ADAMTS14: variants seen among roughly 807,000 people sequenced by gnomAD.
ADAMTS14 encodes ADAM metallopeptidase with thrombospondin type 1 motif 14, also known as A disintegrin and metalloproteinase with thrombospondin motifs 14.
A neutral mutation model predicts 128.6 loss-of-function variants in ADAMTS14; 100 were observed. The ratio of observed to expected loss-of-function variants is 0.78; its 90% CI spans 0.66 to 0.92. ADAMTS14 has a LOEUF of 0.92. ADAMTS14 is among the 40% of genes least tolerant of loss of function. The probability of loss-of-function intolerance (pLI) is 0.00; values close to 1 mark genes in which losing one functional copy is unlikely to be tolerated. For synonymous variants in ADAMTS14, 665 were observed against 653.8 expected, an observed-to-expected ratio of 1.02 and a Z score of -0.26; for missense variants, 1,562 against 1,658.6, an observed-to-expected ratio of 0.94 and a Z score of 1.01.
rs2132614227 is a variant in ADAMTS14, at chr10:70,708,818, T to TG, written c.870+44dup. ...GTCCTAGGACTTGGGGGGAGTGGGG[T>TG]GGGGTGGGCCCCACCCCACCCCACT... On this transcript the variant is annotated intron_variant, in intron 4 of 21. Transcript: ENST00000373207. The TG allele has an allele frequency of 3.1e-5, 12 of 383,244 alleles. No homozygotes were observed. The East Asian group carries it at 3.5e-4, about 11-fold the overall frequency. The allele number at this position is 383,244 out of a possible 1,614,324, so 23.7% of individuals were successfully genotyped here.
chr10:70,677,585 G>T (rs1285429786), intron 2 of ADAMTS14, among the ~76,000 whole-genome samples: 1 of 152,096 alleles, frequency 6.6e-6, no homozygotes, highest in Admixed American at 6.5e-5. Flanking sequence ...CCTCCCCTTG[G>T]TGAGGGGCAG....
In ADAMTS14 at chr10:70,687,968, C is replaced by G. The variant is rs1347092400; in HGVS notation, c.522+12973C>G. ...CGGCTGGCCGGGCGGGGGGCTGACCCCCCCCCCGACCTCCCTCCCGGACGG... is the reference window on the plus strand; with the variant it reads ...CGGCTGGCCGGGCGGGGGGCTGACCGCCCCCCCGACCTCCCTCCCGGACGG... On this transcript the variant is annotated intron_variant, in intron 2 of 21. Coordinates refer to ENST00000373207, the MANE Select transcript of ADAMTS14 (RefSeq NM_080722.4). 2.9e-5 allele frequency among the ~76,000 whole-genome samples: 2 copies of G among 68,894 alleles called. 1 individual carries two copies. 45.2% of individuals were successfully genotyped at this position (68,894 alleles called of 152,430 possible). A position where few individuals can be genotyped will look rare whatever the true frequency, so the allele number is the denominator to read the frequency against.
chr10:70,752,313 C>T (rs1842374560), intron 18 of ADAMTS14, 86 bp downstream of exon 18: 1 of 1,550,696 alleles, frequency 6.4e-7, no homozygotes, highest in Non-Finnish European at 8.7e-7. Flanking sequence ...CTGCTCCCCT[C>T]AGCACTGGGT....
chr10:70,736,852 G>T, intron 10 of ADAMTS14, 59 bp downstream of exon 10: 4 of 1,472,576 alleles, frequency 2.7e-6, no homozygotes, highest in Non-Finnish European at 3.8e-6. Flanking sequence ...TCCATCACTG[G>T]CATGGGGGTG....
intron 2 of ADAMTS14, among the ~76,000 whole-genome samples, chr10:70,695,972 T>A (rs1840321698): frequency 6.6e-6 from 1 of 152,134 alleles, no homozygotes; most frequent in South Asian, 2.1e-4. Context: ...CAGGAAGTGG[T>A]GGCTCTAGAA....
chr10:70,736,812 G>T lies in ADAMTS14; in HGVS notation c.1599+19G>T. 1 of 1,609,186 alleles carries T rather than the reference G, an allele frequency of 6.2e-7. No homozygotes were observed. Among genetic ancestry groups the T allele is most frequent in the Non-Finnish European group, 8.5e-7 (1 of 1,176,284 alleles). ...CGGCAAGGTACCTGTGGGGTGTGCA[G>T]CAGGAGTGGCCTTCCTGGGGTGCAG... On this transcript the variant is annotated intron_variant, in intron 10 of 21. Coordinates refer to ENST00000373207, the MANE Select transcript of ADAMTS14 (RefSeq NM_080722.4).
chr10:70,716,571 G>A lies in ADAMTS14; in HGVS notation c.870+7793G>A, dbSNP rs114930684. On this transcript the variant is annotated intron_variant, in intron 4 of 21. Transcript: ENST00000373207. The stretch of plus-strand genomic sequence containing the variant: ...AGCTCATCCTGTCCATTGTGTGGAA[G>A]CTTTTATTTGGCTGGGATGCTTGAC... Among the ~76,000 whole-genome samples the A allele has an allele frequency of 3.3e-3, 496 of 152,320 alleles. 3 individuals are homozygous for A. Among genetic ancestry groups the A allele is most frequent in the African/African-American group, 0.011 (471 of 41,566 alleles).
intron 3 of ADAMTS14, among the ~76,000 whole-genome samples, chr10:70,705,568 C>T (rs1840639346): frequency 6.6e-6 from 1 of 152,364 alleles, no homozygotes; most frequent in South Asian, 2.1e-4. Flanking sequence ...CCAGAAGATT[C>T]CCATCCGTTA....
In ADAMTS14 at chr10:70,708,486, A is replaced by G. The variant is rs558125347; in HGVS notation, c.680-102A>G. 20 of 1,035,010 alleles carry G rather than the reference A, an allele frequency of 1.9e-5. No homozygotes were observed. In the South Asian group the frequency reaches 2.8e-4, roughly 15 times the overall value. The allele number at this position is 1,035,010 out of a possible 1,614,324, so 64.1% of individuals were successfully genotyped here. A position where few individuals can be genotyped will look rare whatever the true frequency, so the allele number is the denominator to read the frequency against. On this transcript the variant is annotated intron_variant, in intron 3 of 21. Transcript: ENST00000373207. ...TACTACTTTACTTACAGAGGCAGGGAAAGGGGCACCAGTGATGGGGACAGA... is the reference window on the plus strand; with the variant it reads ...TACTACTTTACTTACAGAGGCAGGGGAAGGGGCACCAGTGATGGGGACAGA...
chr10:70,696,079 T>C lies in ADAMTS14; in HGVS notation c.523-6233T>C, dbSNP rs149174037. On this transcript the variant is annotated intron_variant, in intron 2 of 21. Coordinates refer to ENST00000373207, the MANE Select transcript of ADAMTS14 (RefSeq NM_080722.4). ...TGGAGGGAAGCAGTGACATGGGCAG[T>C]AGCTGGGCAGGGATGGGAGGTAGAG... Among the ~76,000 whole-genome samples, 508 of 152,212 alleles carry C rather than the reference T, an allele frequency of 3.3e-3. 1 individual carries two copies. Among genetic ancestry groups the C allele is most frequent in the Non-Finnish European group, 6.0e-3 (405 of 67,980 alleles).
intron 10 of ADAMTS14, among the ~76,000 whole-genome samples, chr10:70,738,051 T>C (rs1841881415): frequency 6.6e-6 from 1 of 151,160 alleles, no homozygotes; most frequent in African/African-American, 2.4e-5. Flanking sequence ...TCTGACTCAG[T>C]TGGTCTGGGG....
At chr10:70,696,270 C>T (rs1055260100) in intron 2 of ADAMTS14, among the ~76,000 whole-genome samples, 2 of 151,584 alleles carry the variant, frequency 1.3e-5, no homozygotes, top group African/African-American at 4.9e-5. Flanking sequence ...GGACCACATC[C>T]AGCCACAGAA....
At chr10:70,741,854 G>A (rs1025810036) in intron 12 of ADAMTS14, among the ~76,000 whole-genome samples, 12 of 152,306 alleles carry the variant, frequency 7.9e-5, no homozygotes, top group African/African-American at 2.6e-4. Flanking sequence ...GAAGGGTTGG[G>A]ATTCGTGGCA....
At chr10:70,694,459 C>T (rs1840276274) in intron 2 of ADAMTS14, among the ~76,000 whole-genome samples, 1 of 152,224 alleles carries the variant, frequency 6.6e-6, no homozygotes, top group Non-Finnish European at 1.5e-5. Flanking sequence ...GCAATCACCA[C>T]TGCTGTCAAC....
At chr10:70,725,664 C>G (rs1340679032) in intron 4 of ADAMTS14, among the ~76,000 whole-genome samples, 2 of 152,178 alleles carry the variant, frequency 1.3e-5, no homozygotes, top group Non-Finnish European at 2.9e-5. Context: ...TTAATTACCC[C>G]CTAATGCCCT....
chr10:70,678,196 A>G (rs1839701727), intron 2 of ADAMTS14, among the ~76,000 whole-genome samples: 1 of 152,222 alleles, frequency 6.6e-6, no homozygotes, highest in East Asian at 1.9e-4. Context: ...TTCCATTAGT[A>G]CAGGACTTTA....
intron 8 of ADAMTS14, 144 bp from the exon 9 acceptor site, chr10:70,735,025 C>G: frequency 9.4e-7 from 1 of 1,064,160 alleles, no homozygotes; most frequent in East Asian, 2.8e-5. Context: ...GCAGCCCGTC[C>G]TCCCTGGAAG....
At chr10:70,693,055 G>C (rs987465932) in intron 2 of ADAMTS14, among the ~76,000 whole-genome samples, 1 of 152,180 alleles carries the variant, frequency 6.6e-6, no homozygotes, top group Non-Finnish European at 1.5e-5. Flanking sequence ...GAAGGAAGAG[G>C]AGCTGGCATG....
intron 15 of ADAMTS14, among the ~76,000 whole-genome samples, chr10:70,749,182 G>A (rs144070029): frequency 1.4e-3 from 215 of 152,270 alleles, no homozygotes; most frequent in African/African-American, 4.8e-3. Context: ...GTGGTCTAGC[G>A]ATAGTGCCCA....
Sources: allele counts gnomAD v4.1 joint callset (sites outside exome capture counted in the v4.1 genomes callset), GRCh38; gene constraint gnomAD v4.1.1; transcripts MANE v1.5; gene names NCBI Gene and HGNC (gene_info 2026-07-23, HGNC 2026-07-21).